Variants in RBFOX3 observed in about 807,000 individuals in gnomAD.
The protein encoded by RBFOX3 is RNA binding protein fox-1 homolog 3.
RBFOX3 carries 17 observed loss-of-function variants against 48.7 expected under a neutral mutation model. The ratio of observed to expected loss-of-function variants is 0.35; its 90% CI spans 0.24 to 0.52. The LOEUF (loss-of-function observed/expected upper bound fraction) is 0.52, where lower values mean the gene tolerates loss of function less well. Ranked by LOEUF, RBFOX3 falls within the 20% of genes least tolerant of loss-of-function variation. RBFOX3 has a pLI of 0.94. For missense variants in RBFOX3, 382 were observed against 497.5 expected, an observed-to-expected ratio of 0.77 and a Z score of 2.21; for synonymous variants, 212 against 209.5, an observed-to-expected ratio of 1.01 and a Z score of -0.10.
At chr17:79,200,640 C>T (rs1329562173) in intron 4 of RBFOX3, among the ~76,000 whole-genome samples, 2 of 152,142 alleles carry the variant, frequency 1.3e-5, no homozygotes, top group Non-Finnish European at 2.9e-5. Context: ...TCTCAGGTCA[C>T]GTCTCTGGGG....
intron 3 of RBFOX3, among the ~76,000 whole-genome samples, chr17:79,255,241 G>C (rs1415483757): frequency 6.7e-6 from 1 of 148,434 alleles, no homozygotes; most frequent in African/African-American, 2.5e-5. Context: ...GTGTGTGTGT[G>C]TGTGTGTGTG....
chr17:79,594,650 G>A (rs2093519173), intron 1 of RBFOX3, among the ~76,000 whole-genome samples: 2 of 152,366 alleles, frequency 1.3e-5, no homozygotes, highest in Admixed American at 1.3e-4. Context: ...GGCAGTGTGA[G>A]CAGAGCCAAT....
In RBFOX3 at chr17:79,242,186, C is replaced by G. The variant is rs8074692; in HGVS notation, c.-73-6381G>C. The stretch of plus-strand genomic sequence containing the variant: ...AGACCTTGGGAGCTCTGGTTCCCAG[C>G]GTGCTGCTGCTGCTGGTGGAGGGGG... On this transcript the variant is annotated intron_variant, in intron 3 of 14. Transcript: ENST00000693108. This position sits in a 1 kb window ranked among gnomAD's most constrained non-coding sequence, Gnocchi z 5.8. 0.25 allele frequency among the ~76,000 whole-genome samples: 37,334 copies of G among 152,006 alleles called. 5,344 individuals are homozygous for G. Among genetic ancestry groups the G allele is most frequent in the South Asian group, 0.38 (1,842 of 4,810 alleles).
At position 79,423,053 on chromosome 17, in the gene RBFOX3, G is replaced by A. The variant is rs1416158904; in HGVS notation, c.-175+59401C>T. 3.9e-5 allele frequency among the ~76,000 whole-genome samples: 6 copies of A among 152,140 alleles called. No homozygotes were observed. The highest frequency in any genetic ancestry group is 4.1e-4 in the South Asian group (2 of 4,828). On this transcript the variant is annotated intron_variant, in intron 2 of 14. Transcript: ENST00000693108. The surrounding 1 kb of genome is among the most constrained non-coding windows in gnomAD (Gnocchi z 4.9). The stretch of plus-strand genomic sequence containing the variant: ...AGGCCGGCCCCTGCGACGGGACTTC[G>A]GGTGCCCCGTGTGCCACGAACTCCC...
chr17:79,300,675 T>C lies in RBFOX3; in HGVS notation c.-74+7049A>G, dbSNP rs760417705. Among the ~76,000 whole-genome samples the C allele has an allele frequency of 4.7e-4, 72 of 152,212 alleles. 1 individual carries two copies. Among genetic ancestry groups the C allele is most frequent in the Admixed American group, 3.1e-3 (48 of 15,280 alleles). ...ATTTCGGATAAAGATGATATTGCTG[T>C]GACTATTATTGTTGTTTTGCCTGAT... is the stretch of plus-strand genomic sequence containing the variant. On this transcript the variant is annotated intron_variant, in intron 3 of 14. Transcript: ENST00000693108.
intron 2 of RBFOX3, among the ~76,000 whole-genome samples, chr17:79,436,104 G>T (rs1357348196): frequency 6.6e-6 from 1 of 152,132 alleles, no homozygotes; most frequent in Non-Finnish European, 1.5e-5. Context: ...ATGCTGGTGG[G>T]TCTACACCAC....
At chr17:79,603,279 C>A (rs1035087111) in intron 1 of RBFOX3, among the ~76,000 whole-genome samples, 1 of 152,218 alleles carries the variant, frequency 6.6e-6, no homozygotes, top group African/African-American at 2.4e-5. Flanking sequence ...GCGTGAGACA[C>A]CCTGCCCTGG....
chr17:79,318,187 G>A (rs924350467), intron 2 of RBFOX3, among the ~76,000 whole-genome samples: 15 of 152,178 alleles, frequency 9.9e-5, no homozygotes, highest in African/African-American at 3.4e-4. Context: ...TGGAACAGGA[G>A]CATTTTGGGC....
intron 2 of RBFOX3, among the ~76,000 whole-genome samples, chr17:79,397,493 C>CA (rs201344788): frequency 9.6e-4 from 115 of 119,732 alleles, no homozygotes; most frequent in African/African-American, 2.6e-3. Flanking sequence ...ACTCCATCCC[C>CA]AAAAAAAAAA....
chr17:79,303,527 C>T (rs2075637322), intron 3 of RBFOX3, among the ~76,000 whole-genome samples: 1 of 151,932 alleles, frequency 6.6e-6, no homozygotes, highest in African/African-American at 2.4e-5. Context: ...ATTAAAAGTC[C>T]CCTGAGCATT....
At chr17:79,540,208 T>C (rs1007592676) in intron 1 of RBFOX3, among the ~76,000 whole-genome samples, 4 of 152,222 alleles carry the variant, frequency 2.6e-5, no homozygotes, top group African/African-American at 9.6e-5. Flanking sequence ...GGAGTGAGCA[T>C]TTCAGCAGAT....
chr17:79,117,282 G>A (rs1433185358), intron 4 of RBFOX3, among the ~76,000 whole-genome samples: 8 of 152,304 alleles, frequency 5.3e-5, no homozygotes, highest in Admixed American at 2.6e-4. Context: ...TGGGTCTGAC[G>A]CTCAGCCACC....
At chr17:79,607,943 T>C (rs954825268) in intron 1 of RBFOX3, among the ~76,000 whole-genome samples, 1 of 152,220 alleles carries the variant, frequency 6.6e-6, no homozygotes, top group Non-Finnish European at 1.5e-5. Flanking sequence ...CACTCTGGAA[T>C]GGTACCCAGG....
chr17:79,182,990 C>T (rs1163762717), intron 4 of RBFOX3, among the ~76,000 whole-genome samples: 1 of 150,740 alleles, frequency 6.6e-6, no homozygotes, highest in Non-Finnish European at 1.5e-5. Flanking sequence ...CTCCGCCCGC[C>T]GCCCCCTCCC....
At chr17:79,268,877 A>T (rs1350574527) in intron 3 of RBFOX3, among the ~76,000 whole-genome samples, 2 of 152,212 alleles carry the variant, frequency 1.3e-5, no homozygotes, top group Non-Finnish European at 2.9e-5. Context: ...TAATTAGGAC[A>T]GCTCAGCCAT....
intron 4 of RBFOX3, among the ~76,000 whole-genome samples, chr17:79,120,291 TGTAC>T (rs2035331786): frequency 6.6e-6 from 1 of 152,092 alleles, no homozygotes; most frequent in Admixed American, 6.5e-5. Flanking sequence ...AACGGGTGGA[TGTAC>T]GTACGTATGT....
chr17:79,279,842 GA>G (rs936837116), intron 3 of RBFOX3, among the ~76,000 whole-genome samples: 5 of 152,070 alleles, frequency 3.3e-5, no homozygotes, highest in African/African-American at 1.2e-4. Flanking sequence ...TGAGAGGTTG[GA>G]AAAAAAGGAC....
intron 2 of RBFOX3, among the ~76,000 whole-genome samples, chr17:79,380,099 G>A (rs982463808): frequency 2.0e-5 from 3 of 151,056 alleles, no homozygotes; most frequent in South Asian, 2.1e-4. Context: ...GTCCATGACC[G>A]CATGGCCATC....
At position 79,111,637 on chromosome 17, in the gene RBFOX3, CTTGGCCAGGCTGG is replaced by C. The variant is rs1482966678; in HGVS notation, c.222+3844_222+3856del. The stretch of plus-strand genomic sequence containing the variant: ...TTTTGTAGAGACAGGGTTCCACCAT[CTTGGCCAGGCTGG>C]TCTGGAAGTCCTGACTTCGTGATCC... On this transcript the variant is annotated intron_variant, in intron 5 of 14. Transcript: ENST00000693108. This position sits in a 1 kb window ranked among gnomAD's most constrained non-coding sequence, Gnocchi z 4.2. Among the ~76,000 whole-genome samples the C allele has an allele frequency of 6.6e-6, 1 of 152,198 alleles. No homozygotes were observed. Among genetic ancestry groups the C allele is most frequent in the Non-Finnish European group, 1.5e-5 (1 of 68,040 alleles).
Sources: gnomAD v4.1 joint callset for allele counts (sites outside exome capture counted in the v4.1 genomes callset) on GRCh38, gnomAD v4.1.1 for gene constraint, Gnocchi (gnomAD v3.1) non-coding constraint, MANE v1.5 for transcripts, NCBI Gene and HGNC (gene_info 2026-07-23, HGNC 2026-07-21) for gene names.